The following GNAT3 variants were observed in gnomAD, a reference collection of about 807,000 sequenced individuals.
The protein encoded by GNAT3 is G protein subunit alpha transducin 3.
Under a neutral mutation model 37.7 loss-of-function variants are expected in GNAT3, and 31 were observed. The ratio of observed to expected loss-of-function variants is 0.82; its 90% CI spans 0.62 to 1.11. The LOEUF is 1.11. GNAT3 is among the 50% of genes most tolerant of loss of function. The probability of loss-of-function intolerance (pLI) is 0.00; values close to 1 mark genes in which losing one functional copy is unlikely to be tolerated. For missense variants in GNAT3, 437 were observed against 412.5 expected, an observed-to-expected ratio of 1.06 and a Z score of -0.51; for synonymous variants, 138 against 139.8, an observed-to-expected ratio of 0.99 and a Z score of 0.09.
intron 1 of GNAT3, among the ~76,000 whole-genome samples, chr7:80,510,143 C>A (rs993773329): frequency 6.6e-6 from 1 of 152,118 alleles, no homozygotes; most frequent in Admixed American, 6.6e-5. Flanking sequence ...TCCCCCCAAC[C>A]ACCCTAGCCC....
intron 5 of GNAT3, among the ~76,000 whole-genome samples, chr7:80,466,332 C>G (rs1789286859): frequency 6.6e-6 from 1 of 152,010 alleles, no homozygotes; most frequent in East Asian, 1.9e-4. Context: ...CCAATTATGC[C>G]ATTTTCTTTC....
intron 2 of GNAT3, among the ~76,000 whole-genome samples, chr7:80,493,491 T>C (rs1423452543): frequency 6.6e-6 from 1 of 152,198 alleles, no homozygotes; most frequent in African/African-American, 2.4e-5. Flanking sequence ...AATTTCATTA[T>C]TGACTGGCAG....
intron 5 of GNAT3, among the ~76,000 whole-genome samples, chr7:80,469,652 A>C (rs1790177383): frequency 1.3e-5 from 2 of 152,166 alleles, no homozygotes; most frequent in Non-Finnish European, 2.9e-5. Context: ...TAGTATGTAA[A>C]TTGAGCCTTT....
At position 80,488,552 on chromosome 7, in the gene GNAT3, C is replaced by T; in HGVS notation, c.286G>A (p.Val96Ile). Residue 96 changes from valine (V) to isoleucine (I), a missense_variant, in exon 3 of 8, where the codon GTA becomes ATA. Physicochemically the swap from Val to Ile is conservative, Grantham distance 29 (BLOSUM62 3). Transcript: ENST00000398291. Reference protein sequence around the residue: ...KAMTTLGIDYVNPRSAEDQRQ... With the variant: ...KAMTTLGIDYINPRSAEDQRQ... ...ATACTTACTGCACTTCTGGGATTTA[C>T]ATAATCAATTCCAAGGGTAGTCATG... The T allele has an allele frequency of 6.2e-7, 1 of 1,601,434 alleles. No individual in the cohort carries two copies. The highest frequency in any genetic ancestry group is 8.5e-7 in the Non-Finnish European group (1 of 1,172,844).
chr7:80,504,054 G>T (rs1310201407), intron 1 of GNAT3, among the ~76,000 whole-genome samples: 2 of 152,182 alleles, frequency 1.3e-5, no homozygotes, highest in Non-Finnish European at 2.9e-5. Context: ...GGAGGCTCAT[G>T]CCTGTAATTC....
chr7:80,485,698 ATG>A (rs1198267272), intron 3 of GNAT3, among the ~76,000 whole-genome samples: 1 of 152,158 alleles, frequency 6.6e-6, no homozygotes, highest in Non-Finnish European at 1.5e-5. Flanking sequence ...ATGATGTTGG[ATG>A]TATAGATTTC....
chr7:80,508,149 A>G (rs752327957), intron 1 of GNAT3, among the ~76,000 whole-genome samples: 1 of 151,914 alleles, frequency 6.6e-6, no homozygotes, highest in Non-Finnish European at 1.5e-5. Flanking sequence ...TGTAGAATAA[A>G]TGTTAATTAT....
chr7:80,508,376 T>C (rs1304474338), intron 1 of GNAT3, among the ~76,000 whole-genome samples: 1 of 151,984 alleles, frequency 6.6e-6, no homozygotes, highest in East Asian at 1.9e-4. Context: ...TGATCCATAT[T>C]GAGTTTACAA....
intron 1 of GNAT3, among the ~76,000 whole-genome samples, chr7:80,499,707 T>TTCTC (rs1433970324): frequency 7.2e-5 from 11 of 152,206 alleles, no homozygotes; most frequent in African/African-American, 2.7e-4. Context: ...GACATCAAAA[T>TTCTC]TCTCTGTCCT....
chr7:80,500,753 A>G (rs1790816918), intron 1 of GNAT3, among the ~76,000 whole-genome samples: 1 of 152,078 alleles, frequency 6.6e-6, no homozygotes, highest in Admixed American at 6.6e-5. Flanking sequence ...AAGGAATTTT[A>G]TTTAATTATT....
rs1249401629 is a variant in GNAT3, at chr7:80,478,959, C to A, written c.343G>T (p.Glu115Ter). 2 of 1,612,744 alleles carry A rather than the reference C, an allele frequency of 1.2e-6. No homozygotes were observed. Among genetic ancestry groups the A allele is most frequent in the Non-Finnish European group, 1.7e-6 (2 of 1,179,298 alleles). The change falls in exon 4 of 8, where the codon GAA becomes TAA. Residue 115 changes from glutamate to a stop codon, truncating the protein, a stop_gained. Transcript: ENST00000398291. LOFTEE classifies it high-confidence loss of function. The stretch of plus-strand genomic sequence containing the variant: ...AGTTGAGGTGTCATGCCACCATCTT[C>A]CAGGGTATTTGCCATTGCATAAAGT... Reference protein sequence around the residue: ...RQLYAMANTLEDGGMTPQLAE... With the variant: ...RQLYAMANTL
intron 4 of GNAT3, among the ~76,000 whole-genome samples, chr7:80,474,851 C>G (rs1790278960): frequency 6.6e-6 from 1 of 152,082 alleles, no homozygotes; most frequent in Non-Finnish European, 1.5e-5. Flanking sequence ...CCTCGAAATT[C>G]TGTAGTTTGA....
At chr7:80,470,392 T>G (rs1005742353) in intron 5 of GNAT3, among the ~76,000 whole-genome samples, 1 of 152,080 alleles carries the variant, frequency 6.6e-6, no homozygotes, top group Non-Finnish European at 1.5e-5. Context: ...CCGCTAATTT[T>G]TGTATTTTTA....
At chr7:80,482,509 G>T (rs537313121) in intron 3 of GNAT3, among the ~76,000 whole-genome samples, 74 of 141,072 alleles carry the variant, frequency 5.2e-4, no homozygotes, top group Middle Eastern at 7.0e-3. Flanking sequence ...TTGTTTTTTT[G>T]TTTGTTTGTT....
In GNAT3 at chr7:80,458,675, A is replaced by G; in HGVS notation, c.1061T>C (p.Phe354Ser). Residue 354 changes from phenylalanine (F) to serine (S), a missense_variant, in exon 8 of 8, where the codon TTC (phenylalanine) becomes TCC (serine). Physicochemically the swap from Phe to Ser is radical, Grantham distance 155. Transcript: ENST00000398291. Reference sequence around the variant, plus strand: ...AGTGGAAGAGAAAATAGTTGATTAGAAAAGCCCACAGTCTTTTAGATTCTC... The same window carrying G: ...AGTGGAAGAGAAAATAGTTGATTAGGAAAGCCCACAGTCTTTTAGATTCTC... Reference protein sequence around the residue: ...IKENLKDCGLF With the variant: ...IKENLKDCGLS 1 of 1,527,822 alleles carries G rather than the reference A, an allele frequency of 6.5e-7. No individual in the cohort carries two copies. Among genetic ancestry groups the G allele is most frequent in the Non-Finnish European group, 8.8e-7 (1 of 1,136,266 alleles). The allele number at this position is 1,527,822 out of a possible 1,614,324, so 94.6% of individuals were successfully genotyped here.
intron 7 of GNAT3, among the ~76,000 whole-genome samples, chr7:80,461,585 A>AAAT (rs1790051242): frequency 6.6e-6 from 1 of 151,318 alleles, no homozygotes; most frequent in South Asian, 2.1e-4. Flanking sequence ...ACTATTTACA[A>AAAT]AAATAAATAA....
intron 4 of GNAT3, among the ~76,000 whole-genome samples, chr7:80,475,933 T>A (rs1372125199): frequency 2.6e-5 from 4 of 152,062 alleles, no homozygotes; most frequent in Non-Finnish European, 5.9e-5. Flanking sequence ...AACATTAAGA[T>A]GTAAATGTAT....
intron 1 of GNAT3, among the ~76,000 whole-genome samples, chr7:80,498,547 G>T (rs1278298346): frequency 6.6e-6 from 1 of 152,044 alleles, no homozygotes; most frequent in Admixed American, 6.6e-5. Context: ...GAACTCTATT[G>T]CAAAGTTATT....
At chr7:80,492,344 A>G (rs1790610508) in intron 2 of GNAT3, among the ~76,000 whole-genome samples, 1 of 146,858 alleles carries the variant, frequency 6.8e-6, no homozygotes, top group South Asian at 2.1e-4. Flanking sequence ...ACCCTTTCTC[A>G]AATAAATAAA....
Sources: allele counts gnomAD v4.1 joint callset (sites outside exome capture counted in the v4.1 genomes callset), GRCh38; gene constraint gnomAD v4.1.1; transcripts MANE v1.5; gene names NCBI Gene and HGNC (gene_info 2026-07-23, HGNC 2026-07-21).